CNBD1: variants seen among roughly 807,000 people sequenced by gnomAD.
CNBD1 encodes cyclic nucleotide binding domain containing 1.
A neutral mutation model predicts 54.4 loss-of-function variants in CNBD1; 71 were observed. The ratio of observed to expected loss-of-function variants is 1.30; its 90% confidence interval spans 1.08 to 1.59. CNBD1 has a LOEUF of 1.59. Among genes scored for constraint, CNBD1 ranks in the 40% most tolerant of loss-of-function variants. CNBD1 has a pLI of 0.00. For missense variants in CNBD1, 659 were observed against 518.0 expected (o/e 1.27, Z -2.64); for synonymous variants, 182 against 170.7 (o/e 1.07, Z -0.51).
intron 9 of CNBD1, among the ~76,000 whole-genome samples, chr8:87,353,182 C>G (rs757296515): frequency 1.2e-4 from 18 of 152,128 alleles, no homozygotes; most frequent in Non-Finnish European, 2.5e-4. Flanking sequence ...GGAATAATCC[C>G]TCCTTTTTGA....
chr8:87,284,091 T>A (rs1347437894), intron 6 of CNBD1, among the ~76,000 whole-genome samples: 1 of 152,092 alleles, frequency 6.6e-6, no homozygotes, highest in Non-Finnish European at 1.5e-5. Context: ...CTCCTTATCC[T>A]TCACATGCCC....
At chr8:86,956,097 C>T (rs1215992659) in intron 4 of CNBD1, among the ~76,000 whole-genome samples, 2 of 151,984 alleles carry the variant, frequency 1.3e-5, no homozygotes, top group African/African-American at 4.8e-5. Context: ...AATCCTTTCC[C>T]CATTGCTTGT....
chr8:87,226,729 G>A (rs1437193857), intron 5 of CNBD1, among the ~76,000 whole-genome samples: 2 of 151,978 alleles, frequency 1.3e-5, no homozygotes, highest in African/African-American at 4.8e-5. Flanking sequence ...TGATTTGGGT[G>A]GAGAGTTCTG....
At chr8:87,203,656 A>G (rs1236864589) in intron 4 of CNBD1, among the ~76,000 whole-genome samples, 1 of 152,194 alleles carries the variant, frequency 6.6e-6, no homozygotes, top group Non-Finnish European at 1.5e-5. Context: ...CTTTCACCAA[A>G]AGAAAAAACA....
intron 8 of CNBD1, among the ~76,000 whole-genome samples, chr8:87,326,758 C>T (rs201894274): frequency 1.8e-3 from 161 of 88,400 alleles, no homozygotes; most frequent in East Asian, 0.013. Flanking sequence ...AATGTCCTCC[C>T]GTAGCTCAGA....
intron 4 of CNBD1, among the ~76,000 whole-genome samples, chr8:87,136,962 A>C: frequency 1.1e-5 from 1 of 88,762 alleles, no homozygotes; most frequent in Admixed American, 1.9e-4. Flanking sequence ...TATTCTATGT[A>C]AATTATATAT....
intron 5 of CNBD1, among the ~76,000 whole-genome samples, chr8:87,231,578 A>C (rs1325653385): frequency 1.3e-5 from 2 of 152,210 alleles, no homozygotes; most frequent in African/African-American, 4.8e-5. Context: ...TCATATAATA[A>C]AATGTTCAAA....
At chr8:87,092,977 A>G (rs975677135) in intron 4 of CNBD1, among the ~76,000 whole-genome samples, 2 of 152,134 alleles carry the variant, frequency 1.3e-5, no homozygotes, top group Non-Finnish European at 2.9e-5. Flanking sequence ...TTCTCCTTTC[A>G]TATCTACTCC....
intron 8 of CNBD1, among the ~76,000 whole-genome samples, chr8:87,304,908 T>G (rs752062646): frequency 6.6e-6 from 1 of 151,882 alleles, no homozygotes; most frequent in Non-Finnish European, 1.5e-5. Context: ...GAAATCCTTA[T>G]CAGAGCAATC....
intron 8 of CNBD1, among the ~76,000 whole-genome samples, chr8:87,350,938 G>A (rs1364212007): frequency 6.6e-6 from 1 of 151,962 alleles, no homozygotes; most frequent in African/African-American, 2.4e-5. Flanking sequence ...ATGTATCTTG[G>A]CCTTAGAGTG....
intron 4 of CNBD1, among the ~76,000 whole-genome samples, chr8:87,113,963 C>T (rs549537342): frequency 4.6e-5 from 7 of 151,868 alleles, no homozygotes; most frequent in East Asian, 3.9e-4. Context: ...CACTATGCCT[C>T]TTAGTTCATT....
chr8:86,993,375 A>C (rs117875576), intron 4 of CNBD1, among the ~76,000 whole-genome samples: 4,178 of 152,104 alleles, frequency 0.027, 89 homozygotes, highest in Non-Finnish European at 0.043. Flanking sequence ...GTTTTACTAG[A>C]GTCCTGGGAT....
chr8:86,939,712 C>A lies in CNBD1; in HGVS notation c.389C>A (p.Ala130Asp). The change falls in exon 4 of 11, where the codon GCC (alanine) becomes GAC (aspartate). Residue 130 changes from alanine (A) to aspartate (D), a missense_variant. Physicochemically the swap from Ala to Asp is moderately radical, Grantham distance 126 (BLOSUM62 -2). Coordinates refer to ENST00000518476, the MANE Select transcript of CNBD1 (RefSeq NM_173538.3). ...GGHILYRPKR[A>D]TEKFEEFLAI... ...CATATTTTATATAGACCAAAAAGAG[C>A]CACAGAGAAATTTGAAGAATTCCTA... 2.5e-6 allele frequency: 4 copies of A among 1,580,622 alleles called. No individual in the cohort carries two copies. The highest frequency in any genetic ancestry group is 3.4e-6 in the Non-Finnish European group (4 of 1,160,408).
intron 2 of CNBD1, among the ~76,000 whole-genome samples, chr8:87,388,093 C>A (rs910691346): frequency 1.3e-5 from 2 of 152,122 alleles, no homozygotes; most frequent in South Asian, 2.1e-4. Flanking sequence ...ATCTCTGGGA[C>A]ACATTCAAAA....
intron 6 of CNBD1, among the ~76,000 whole-genome samples, chr8:87,262,709 A>G (rs115914633): frequency 0.018 from 2,756 of 152,256 alleles, 70 homozygotes; most frequent in African/African-American, 0.063. Context: ...TGGTTCTGCT[A>G]CTTGAGATAA....
intron 6 of CNBD1, among the ~76,000 whole-genome samples, chr8:87,280,058 G>A (rs1808565292): frequency 6.6e-6 from 1 of 151,388 alleles, no homozygotes; most frequent in South Asian, 2.1e-4. Context: ...TTCTATTTAA[G>A]CATACAGACC....
At chr8:87,403,063 T>G (rs1278427345) in intron 2 of CNBD1, among the ~76,000 whole-genome samples, 2 of 152,022 alleles carry the variant, frequency 1.3e-5, no homozygotes, top group African/African-American at 4.8e-5. Context: ...TCTTAATAAA[T>G]GGCTTTTCAG....
At chr8:87,215,064 T>A (rs1814180361) in intron 5 of CNBD1, among the ~76,000 whole-genome samples, 1 of 152,212 alleles carries the variant, frequency 6.6e-6, no homozygotes, top group Non-Finnish European at 1.5e-5. Flanking sequence ...GTAGCCATTA[T>A]GTGGAAAAAG....
At chr8:87,156,072 AAAG>A (rs1812727788) in intron 4 of CNBD1, among the ~76,000 whole-genome samples, 1 of 151,918 alleles carries the variant, frequency 6.6e-6, no homozygotes, top group Non-Finnish European at 1.5e-5. Flanking sequence ...AACAGTAAGA[AAAG>A]AAAAAGTGGT....
Sources: allele counts gnomAD v4.1 joint callset (sites outside exome capture counted in the v4.1 genomes callset), GRCh38; gene constraint gnomAD v4.1.1; transcripts MANE v1.5; gene names NCBI Gene and HGNC (gene_info 2026-07-23, HGNC 2026-07-21).